CNTROB: variants seen among roughly 807,000 people sequenced by gnomAD.
CNTROB encodes centrobin.
CNTROB carries 82 observed loss-of-function variants against 115.7 expected under a neutral mutation model. The observed-to-expected ratio is 0.71, with a 90% CI of 0.59 to 0.85. The LOEUF (loss-of-function observed/expected upper bound fraction) is 0.85, where lower values mean the gene tolerates loss of function less well. Among genes scored for constraint, CNTROB ranks in the 40% least tolerant of loss-of-function variants. The pLI, the probability that CNTROB is intolerant of heterozygous loss-of-function variation, is 0.00. For synonymous variants in CNTROB, 439 were observed against 456.4 expected (o/e 0.96, Z 0.49); for missense variants, 1,014 against 1,144.4 (o/e 0.89, Z 1.64).
chr17:7,936,892 G>T, intron 6 of CNTROB, 75 bp downstream of exon 6: 1 of 813,426 alleles, frequency 1.2e-6, no homozygotes, highest in Non-Finnish European at 2.2e-6. Flanking sequence ...AAATAGCTCT[G>T]GAATTAGGGT....
chr17:7,936,970 C>T (rs186330280), intron 6 of CNTROB, among the ~76,000 whole-genome samples, 153 bp downstream of exon 6: 2 of 152,356 alleles, frequency 1.3e-5, no homozygotes, highest in African/African-American at 4.8e-5. Flanking sequence ...CCTTTCTTCT[C>T]CTTTAACCGT....
In CNTROB at chr17:7,944,540, C is replaced by G. The variant is rs776304006; in HGVS notation, c.1636C>G (p.Arg546Gly). 1 of 1,614,118 alleles carries G rather than the reference C, an allele frequency of 6.2e-7. No homozygotes were observed. Among genetic ancestry groups the G allele is most frequent in the South Asian group, 1.1e-5 (1 of 91,084 alleles). Residue 546 changes from arginine to glycine, a missense_variant, in exon 12 of 19, where the codon CGG becomes GGG. By Grantham distance (125) the Arg-to-Gly change is moderately radical (BLOSUM62 -2). Coordinates refer to ENST00000563694, the MANE Select transcript of CNTROB (RefSeq NM_053051.5). The surrounding 1 kb of genome is among the most constrained non-coding windows in gnomAD (Gnocchi z 4.0). Reference protein sequence around the residue: ...QSGNQQLEEQRVELVERLQAM... With the variant: ...QSGNQQLEEQGVELVERLQAM... ...TGGGAACCAGCAGCTGGAGGAGCAG[C>G]GGGTGGAGCTGGTGGAAAGACTGCA...
chr17:7,945,644 A>G, intron 12 of CNTROB, 84 bp from the exon 13 acceptor site: 2 of 1,411,224 alleles, frequency 1.4e-6, no homozygotes, highest in Non-Finnish European at 1.9e-6. Flanking sequence ...GGAAATTTAT[A>G]ATCTTATTAA....
chr17:7,935,299 C>T (rs1039781381), intron 4 of CNTROB, among the ~76,000 whole-genome samples, 154 bp downstream of exon 4: 9 of 151,740 alleles, frequency 5.9e-5, no homozygotes, highest in South Asian at 2.1e-4. Flanking sequence ...GTCAGGAGAT[C>T]GAGACCATCC....
Position 7,947,968 on chromosome 17 carries a change from C to T in CNTROB, c.2198C>T (p.Pro733Leu), listed in dbSNP as rs1974753229. Residue 733 changes from proline to leucine, a missense_variant, in exon 15 of 19, where the codon CCC (proline) becomes CTC (leucine). Pro to Leu is a moderately conservative substitution (Grantham distance 98). Transcript: ENST00000563694. ...NNENPSVDLL[P>L]PKSGPLTVPS... Reference sequence around the variant, plus strand: ...GAGAACCCTTCTGTCGACCTGTTGCCCCCTAAGTCTGGTGAGTTCCAACTC... The same window carrying T: ...GAGAACCCTTCTGTCGACCTGTTGCTCCCTAAGTCTGGTGAGTTCCAACTC... 6.2e-7 allele frequency: 1 copy of T among 1,613,720 alleles called. No individual in the cohort carries two copies. The highest frequency in any genetic ancestry group is 1.7e-5 in the Admixed American group (1 of 59,978).
In CNTROB at chr17:7,949,630, C is replaced by T. The variant is rs1017926965; in HGVS notation, c.*120C>T. On this transcript the variant is annotated 3_prime_UTR_variant, in exon 19 of 19. Transcript: ENST00000563694. The stretch of plus-strand genomic sequence containing the variant: ...GGAAAATAGAGGTTTTGTAGGGAAT[C>T]ACTTCGTAAAGAAACCACATTTGGT... 3.4e-5 allele frequency: 36 copies of T among 1,047,848 alleles called. No individual in the cohort carries two copies. In the South Asian group the frequency reaches 7.7e-4, roughly 22 times the overall value. 64.9% of individuals were successfully genotyped at this position (1,047,848 alleles called of 1,614,324 possible).
At position 7,944,599 on chromosome 17, in the gene CNTROB, C is replaced by G; in HGVS notation, c.1695C>G (p.Asn565Lys). 6.2e-7 allele frequency: 1 copy of G among 1,613,974 alleles called. No individual in the cohort carries two copies. Among genetic ancestry groups the G allele is most frequent in the Non-Finnish European group, 8.5e-7 (1 of 1,179,926 alleles). Residue 565 changes from asparagine to lysine, a missense_variant, in exon 12 of 19, where the codon AAC becomes AAG. Physicochemically the swap from Asn to Lys is moderately conservative, Grantham distance 94. Coordinates refer to ENST00000563694, the MANE Select transcript of CNTROB (RefSeq NM_053051.5). This position sits in a 1 kb window ranked among gnomAD's most constrained non-coding sequence, Gnocchi z 4.0. ...AMLQAHWDEA[N>K]QLLSTTLPPP... The stretch of plus-strand genomic sequence containing the variant: ...TGCAGGCCCACTGGGATGAGGCCAA[C>G]CAGCTGCTCAGCACCACTCTCCCGC...
chr17:7,945,701 C>G, intron 12 of CNTROB, 27 bp from the exon 13 acceptor site: 1 of 1,607,082 alleles, frequency 6.2e-7, no homozygotes, highest in Non-Finnish European at 8.5e-7. Flanking sequence ...GTGCTTTGAC[C>G]CTTCTTTCTG....
In CNTROB at chr17:7,949,645, C is replaced by T; in HGVS notation, c.*135C>T. 1 of 852,544 alleles carries T rather than the reference C, an allele frequency of 1.2e-6. No homozygotes were observed. Among genetic ancestry groups the T allele is most frequent in the Non-Finnish European group, 1.7e-6 (1 of 594,902 alleles). 52.8% of individuals were successfully genotyped at this position (852,544 alleles called of 1,614,324 possible). A position where few individuals can be genotyped will look rare whatever the true frequency, so the allele number is the denominator to read the frequency against. On this transcript the variant is annotated 3_prime_UTR_variant, in exon 19 of 19. Coordinates refer to ENST00000563694, the MANE Select transcript of CNTROB (RefSeq NM_053051.5). ...TGTAGGGAATCACTTCGTAAAGAAA[C>T]CACATTTGGTTGAGTACTTTTTTTA... is the stretch of plus-strand genomic sequence containing the variant.
chr17:7,936,569 G>A (rs1973202699), intron 5 of CNTROB, 87 bp downstream of exon 5: 3 of 797,152 alleles, frequency 3.8e-6, no homozygotes, highest in Non-Finnish European at 6.9e-6. Context: ...AATGTTTCTT[G>A]GTACATGCTG....
Position 7,941,380 on chromosome 17 carries a change from A to G in CNTROB, c.1311+1138A>G, listed in dbSNP as rs560651801. ...TGTGGGAGGCCAAGGCGGGTGGATC[A>G]CTTGAGCCCAGGAGTTTGAGACCAG... is the stretch of plus-strand genomic sequence containing the variant. On this transcript the variant is annotated intron_variant, in intron 9 of 18. Coordinates refer to ENST00000563694, the MANE Select transcript of CNTROB (RefSeq NM_053051.5). Among the ~76,000 whole-genome samples the G allele has an allele frequency of 3.0e-4, 45 of 151,436 alleles. No individual in the cohort carries two copies. In the South Asian group the frequency reaches 9.0e-3, roughly 30 times the overall value.
chr17:7,949,079 T>G lies in CNTROB; in HGVS notation c.2514-6T>G. The G allele has an allele frequency of 6.2e-7, 1 of 1,613,998 alleles. No homozygotes were observed. Among genetic ancestry groups the G allele is most frequent in the Non-Finnish European group, 8.5e-7 (1 of 1,179,918 alleles). ...CCCATCCTCATACCTTTGATTTGTG[T>G]AGCAGGACTGATGGCCGAGGGGATA... On this transcript the variant is annotated splice_polypyrimidine_tract_variant and splice_region_variant and intron_variant, in intron 17 of 18. Transcript: ENST00000563694.
At position 7,943,059 on chromosome 17, in the gene CNTROB, C is replaced by T. The variant is rs997377492; in HGVS notation, c.1312-332C>T. On this transcript the variant is annotated intron_variant, in intron 9 of 18. Transcript: ENST00000563694. The surrounding 1 kb of genome is among the most constrained non-coding windows in gnomAD (Gnocchi z 4.7). ...CTCGTGATCCGCCCGTCTCGGCCTCCCAAAGTGCTAGGATTACAGGCGTGA... is the reference window on the plus strand; with the variant it reads ...CTCGTGATCCGCCCGTCTCGGCCTCTCAAAGTGCTAGGATTACAGGCGTGA... Among the ~76,000 whole-genome samples, 1 of 151,824 alleles carries T rather than the reference C, an allele frequency of 6.6e-6. No homozygotes were observed. The highest frequency in any genetic ancestry group is 2.4e-5 in the African/African-American group (1 of 41,308).
Position 7,944,510 on chromosome 17 carries a change from C to T in CNTROB, c.1606C>T (p.Gln536Ter). The T allele has an allele frequency of 6.2e-7, 1 of 1,614,124 alleles. No individual in the cohort carries two copies. The change falls in exon 12 of 19, where the codon CAG becomes TAG. Residue 536 changes from glutamine to a stop codon, truncating the protein, a stop_gained. Transcript: ENST00000563694. LOFTEE classifies it high-confidence loss of function. This position sits in a 1 kb window ranked among gnomAD's most constrained non-coding sequence, Gnocchi z 4.0. ...AREQARVCELQSGNQQLEEQR... is the reference protein window; with the variant it reads ...AREQARVCEL ...GGAGCAAGCGCGAGTGTGCGAACTG[C>T]AGAGTGGGAACCAGCAGCTGGAGGA...
Position 7,945,603 on chromosome 17 carries a change from G to A in CNTROB, c.1735-125G>A, listed in dbSNP as rs879030904. ...CAGCCTCAAACGGTCCTCCCAAAGT[G>A]TTGGGATTACAGGTGTGAGCCACTG... On this transcript the variant is annotated intron_variant, in intron 12 of 18. Coordinates refer to ENST00000563694, the MANE Select transcript of CNTROB (RefSeq NM_053051.5). 21 of 1,000,948 alleles carry A rather than the reference G, an allele frequency of 2.1e-5. 1 individual carries two copies. In the South Asian group the frequency reaches 3.2e-4, roughly 15 times the overall value. 62.0% of individuals were successfully genotyped at this position (1,000,948 alleles called of 1,614,324 possible).
Position 7,947,653 on chromosome 17 carries a change from C to T in CNTROB, c.2076C>T (p.Asp692=), listed in dbSNP as rs563111997. ...RPFPEEDPGP[D]GEGLLKQGLP... is the part of the protein sequence containing the mutation. ...TCCCTGAGGAAGATCCTGGACCTGA[C>T]GGGGAGGGCCTCCTAAAGCAAGGGC... Residue 692 remains aspartate (D), a synonymous_variant, in exon 14 of 19, where the codon GAC becomes GAT. Coordinates refer to ENST00000563694, the MANE Select transcript of CNTROB (RefSeq NM_053051.5). 8.7e-6 allele frequency: 14 copies of T among 1,613,912 alleles called. No homozygotes were observed. The highest frequency in any genetic ancestry group is 2.2e-5 in the East Asian group (1 of 44,876).
intron 9 of CNTROB, among the ~76,000 whole-genome samples, chr17:7,941,682 G>A (rs148370937): frequency 5.4e-4 from 82 of 150,962 alleles, no homozygotes; most frequent in South Asian, 5.0e-3. Flanking sequence ...GAAAGCATCC[G>A]GGTGTGGTGG....
chr17:7,933,054 T>A lies in CNTROB; in HGVS notation c.-26T>A, dbSNP rs768926603. The A allele has an allele frequency of 1.2e-6, 2 of 1,606,160 alleles. No homozygotes were observed. The highest frequency in any genetic ancestry group is 3.3e-4 in the Middle Eastern group (2 of 6,006). On this transcript the variant is annotated 5_prime_UTR_variant, in exon 1 of 19. Transcript: ENST00000563694. ...AGCAGAACCTCCCAGCTCTTTGCTG[T>A]CTCCGGTTGTCTCTTCCCTGTATTC...
intron 2 of CNTROB, 60 bp from the exon 3 acceptor site, chr17:7,934,405 G>A: frequency 6.6e-7 from 1 of 1,507,606 alleles, no homozygotes. Context: ...TTCTCTTCAG[G>A]TGGCCCCTGT....
Sources: allele counts gnomAD v4.1 joint callset (sites outside exome capture counted in the v4.1 genomes callset), GRCh38; gene constraint gnomAD v4.1.1; non-coding constraint Gnocchi (gnomAD v3.1); transcripts MANE v1.5; gene names NCBI Gene and HGNC (gene_info 2026-07-23, HGNC 2026-07-21).